The following GIT2 variants were observed in gnomAD, a reference collection of about 807,000 sequenced individuals.
GIT2 encodes the protein ARF GTPase-activating protein GIT2.
Under a neutral mutation model 100.3 loss-of-function variants are expected in GIT2, and 32 were observed. The ratio of observed to expected loss-of-function variants is 0.32; its 90% CI spans 0.24 to 0.43. The LOEUF is 0.43. Ranked by LOEUF, GIT2 falls within the 20% of genes least tolerant of loss-of-function variation. The pLI, the probability that GIT2 is intolerant of heterozygous loss-of-function variation, is 1.00. For missense variants in GIT2, 737 were observed against 975.1 expected, an observed-to-expected ratio of 0.76 and a Z score of 3.25; for synonymous variants, 353 against 364.1, an observed-to-expected ratio of 0.97 and a Z score of 0.35.
Position 109,989,722 on chromosome 12 carries a change from T to C in GIT2, c.267A>G (p.Gly89=), listed in dbSNP as rs1888042472. ...TATCCTGTGGATTAGCTTTACGTCT[T>C]CCACTCATAATAGACGCAGGGTCCA... ...SLLDPASIMS[G]RRKANPQDKV... The change falls in exon 3 of 20, where the codon GGA becomes GGG. Residue 89 remains glycine (G), a synonymous_variant. Coordinates refer to ENST00000355312, the MANE Select transcript of GIT2 (RefSeq NM_057169.5). 6.3e-7 allele frequency: 1 copy of C among 1,576,706 alleles called. No individual in the cohort carries two copies. The highest frequency in any genetic ancestry group is 8.7e-7 in the Non-Finnish European group (1 of 1,145,944).
At chr12:109,993,193 T>A (rs1835657459) in intron 1 of GIT2, among the ~76,000 whole-genome samples, 1 of 152,134 alleles carries the variant, frequency 6.6e-6, no homozygotes, top group African/African-American at 2.4e-5. Context: ...GCAGGATGGA[T>A]CTGGGTAAGT....
chr12:109,980,989 C>T lies in GIT2; in HGVS notation c.681G>A (p.Thr227=), dbSNP rs749427912. 16 of 1,612,532 alleles carry T rather than the reference C, an allele frequency of 9.9e-6. No homozygotes were observed. Among genetic ancestry groups the T allele is most frequent in the Middle Eastern group, 1.6e-4 (1 of 6,084 alleles). The change falls in exon 7 of 20, where the codon ACG becomes ACA. Residue 227 remains threonine, a synonymous_variant. Transcript: ENST00000355312. The stretch of plus-strand genomic sequence containing the variant: ...CACAGAGATAGAAGGCTAGTCTGTC[C>T]GTTAGCTCATACTGTATTTCCACGA... ...ERLVEIQYEL[T]DRLAFYLCGR... is the part of the protein sequence containing the mutation.
Position 109,953,120 on chromosome 12 carries a change from G to A in GIT2, c.1214C>T (p.Thr405Ile), listed in dbSNP as rs1334067007. 1 of 1,614,134 alleles carries A rather than the reference G, an allele frequency of 6.2e-7. No individual in the cohort carries two copies. Among genetic ancestry groups the A allele is most frequent in the Non-Finnish European group, 8.5e-7 (1 of 1,180,028 alleles). The part of the protein sequence containing the change: ...VASDEDTDLE[T>I]TASKTNRQKS... ...CTGCCGGTTTGTTTTGCTTGCAGTGGTTTCCAAATCTGTGTCTTCGTCTGA... is the reference window on the plus strand; with the variant it reads ...CTGCCGGTTTGTTTTGCTTGCAGTGATTTCCAAATCTGTGTCTTCGTCTGA... The change falls in exon 13 of 20, where the codon ACC becomes ATC. Residue 405 changes from threonine (T) to isoleucine (I), a missense_variant. Transcript: ENST00000355312.
At position 109,933,080 on chromosome 12, in the gene GIT2, T is replaced by A; in HGVS notation, c.2178A>T (p.Thr726=). 1 of 1,613,634 alleles carries A rather than the reference T, an allele frequency of 6.2e-7. No homozygotes were observed. The highest frequency in any genetic ancestry group is 8.5e-7 in the Non-Finnish European group (1 of 1,179,488). The change falls in exon 20 of 20, where the codon ACA becomes ACT. Residue 726 remains threonine, a synonymous_variant. Transcript: ENST00000355312. This position sits in a 1 kb window ranked among gnomAD's most constrained non-coding sequence, Gnocchi z 4.5. ...CCTGCTGCGTGACCAGCTGAACGTC[T>A]GTGGGTGAGCCGGGGTCCCCTGGGA... The part of the protein sequence containing the change: ...KTLPGDPGSP[T]DVQLVTQQVI...
intron 16 of GIT2, 145 bp downstream of exon 16, chr12:109,945,115 T>G (rs1592974504): frequency 3.2e-6 from 2 of 619,012 alleles, no homozygotes; most frequent in East Asian, 5.6e-5. Flanking sequence ...GTGAGCCTGA[T>G]GCACTGTGAG....
At chr12:109,982,262 C>T (rs1025568897) in intron 6 of GIT2, 8 of 152,346 alleles carry the variant, frequency 5.3e-5, no homozygotes, top group Middle Eastern at 3.4e-3. Context: ...CAAATCCAAC[C>T]CATTCTTCAA....
At chr12:109,996,939 C>A (rs1467560013), upstream of GIT2, among the ~76,000 whole-genome samples, 3 of 151,446 alleles carry the variant, frequency 2.0e-5, no homozygotes, top group Non-Finnish European at 4.4e-5. Flanking sequence ...TGGCCGGGCG[C>A]GGTGGCTCAC....
At chr12:109,985,617 A>C (rs1019154776) in intron 4 of GIT2, among the ~76,000 whole-genome samples, 1 of 152,162 alleles carries the variant, frequency 6.6e-6, no homozygotes, top group Non-Finnish European at 1.5e-5. Context: ...TGGGAGGCCG[A>C]GGCAGGCAGA....
upstream of GIT2, among the ~76,000 whole-genome samples, chr12:109,997,084 C>A (rs375258568): frequency 2.6e-5 from 4 of 151,886 alleles, no homozygotes; most frequent in East Asian, 1.9e-4. Flanking sequence ...GTGGCAGGAG[C>A]CTGTAATCTC....
rs1480217844 is a variant in GIT2 at position 109,931,755 on chromosome 12, A to G, written c.*1223T>C. On this transcript the variant is annotated 3_prime_UTR_variant, in exon 20 of 20. Coordinates refer to ENST00000355312, the MANE Select transcript of GIT2 (RefSeq NM_057169.5). ...GAACGGGAAGAGCTTTCACATTCAG[A>G]ACAAGAAGGGGCTTTTGAGTAACTA... is the stretch of plus-strand genomic sequence containing the variant. The G allele has an allele frequency of 6.6e-6, 1 of 152,278 alleles. No homozygotes were observed. The highest frequency in any genetic ancestry group is 1.5e-5 in the Non-Finnish European group (1 of 68,068). 9.4% of individuals were successfully genotyped at this position (152,278 alleles called of 1,614,324 possible). A position where few individuals can be genotyped will look rare whatever the true frequency, so the allele number is the denominator to read the frequency against.
Position 109,965,515 on chromosome 12 carries a change from G to GA in GIT2, c.816+10dup. 2 of 1,544,180 alleles carry GA rather than the reference G, an allele frequency of 1.3e-6. No homozygotes were observed. Among genetic ancestry groups the GA allele is most frequent in the Non-Finnish European group, 1.8e-6 (2 of 1,119,174 alleles). ...TCATACTAGAGAAAACCAGTACAGAGAAATACTCACAGATTGAAGTTTCTT... is the reference window on the plus strand; with the variant it reads ...TCATACTAGAGAAAACCAGTACAGAGAAAATACTCACAGATTGAAGTTTCTT... On this transcript the variant is annotated intron_variant, in intron 9 of 19. Transcript: ENST00000355312.
chr12:109,947,373 C>T lies in GIT2; in HGVS notation c.1524G>A (p.Arg508=). ...HSSLKRRPSA[R]GSRPMSMYET... ...CGTACATGGACATGGGCCTACTGCC[C>T]CGGGCAGACGGACGTCTCTTTAAGG... The change falls in exon 15 of 20, where the codon CGG becomes CGA. Residue 508 remains arginine (R), a synonymous_variant. Transcript: ENST00000355312. This position sits in a 1 kb window ranked among gnomAD's most constrained non-coding sequence, Gnocchi z 4.3. 6.2e-7 allele frequency: 1 copy of T among 1,614,140 alleles called. No homozygotes were observed. Among genetic ancestry groups the T allele is most frequent in the African/African-American group, 1.3e-5 (1 of 75,014 alleles).
chr12:109,967,645 A>C (rs969559832), intron 7 of GIT2, 142 bp from the exon 8 acceptor site: 4 of 659,904 alleles, frequency 6.1e-6, no homozygotes, highest in Non-Finnish European at 1.1e-5. Flanking sequence ...ACTAGCTAAA[A>C]ATTCCTGAAG....
Position 109,991,637 on chromosome 12 carries a change from G to A in GIT2, c.176C>T (p.Thr59Ile). 1 of 1,612,996 alleles carries A rather than the reference G, an allele frequency of 6.2e-7. No individual in the cohort carries two copies. The highest frequency in any genetic ancestry group is 8.5e-7 in the Non-Finnish European group (1 of 1,178,984). ...RHLKHTPWPP[T>I]LLQMVETLYN... is the part of the protein sequence containing the mutation. The stretch of plus-strand genomic sequence containing the variant: ...ATTCTTATCCTTTACCTGAAGCAGT[G>A]TTGGAGGCCACGGTGTGTGTTTCAG... Residue 59 changes from threonine (T) to isoleucine (I), a missense_variant, in exon 2 of 20, where the codon ACA becomes ATA. Around this residue, in one of 3 missense-constraint regions of GIT2, gnomAD observed 266 missense variants for 376.2 expected, o/e 0.71. Coordinates refer to ENST00000355312, the MANE Select transcript of GIT2 (RefSeq NM_057169.5).
chr12:109,984,677 G>A (rs777132084), intron 4 of GIT2, among the ~76,000 whole-genome samples: 32 of 151,960 alleles, frequency 2.1e-4, no homozygotes, highest in Non-Finnish European at 3.5e-4. Context: ...GAACTTACGA[G>A]CTGAAGTGAT....
intron 1 of GIT2, among the ~76,000 whole-genome samples, chr12:109,993,263 G>C (rs1566028252): frequency 6.6e-6 from 1 of 152,070 alleles, no homozygotes; most frequent in Non-Finnish European, 1.5e-5. Context: ...GACTCACAAT[G>C]GGGTGACAAT....
intron 11 of GIT2, 135 bp downstream of exon 11, chr12:109,961,143 G>T: frequency 1.9e-6 from 1 of 530,096 alleles, no homozygotes; most frequent in South Asian, 2.9e-5. Flanking sequence ...CAATTTGGGG[G>T]TTGTGTGTGT....
chr12:109,967,703 G>A (rs988152443), intron 7 of GIT2, among the ~76,000 whole-genome samples, 200 bp from the exon 8 acceptor site: 1 of 152,162 alleles, frequency 6.6e-6, no homozygotes, highest in Non-Finnish European at 1.5e-5. Flanking sequence ...CTGGTACAAA[G>A]GTCCAGGCAT....
At chr12:109,938,269 T>C (rs1023724420) in intron 18 of GIT2, 111 bp downstream of exon 18, 2 of 724,426 alleles carry the variant, frequency 2.8e-6, no homozygotes, top group Non-Finnish European at 4.6e-6. Flanking sequence ...TTGTTTTCAA[T>C]GACCTTGAAG....
Sources: gnomAD v4.1 joint callset for allele counts (sites outside exome capture counted in the v4.1 genomes callset) on GRCh38, gnomAD v4.1.1 for gene constraint, gnomAD v4.1.1 regional missense constraint, Gnocchi (gnomAD v3.1) non-coding constraint, MANE v1.5 for transcripts, NCBI Gene and HGNC (gene_info 2026-07-23, HGNC 2026-07-21) for gene names.